GCFC2: variants seen among roughly 807,000 people sequenced by gnomAD.
GCFC2 encodes GC-rich sequence DNA-binding factor 2, also known as intron Large complex component GCFC2.
In GCFC2, 102 loss-of-function variants were observed where a neutral mutation model predicts 99.4. The observed-to-expected ratio is 1.03, with a 90% CI of 0.87 to 1.21. The LOEUF is 1.21. GCFC2 is among the 50% of genes most tolerant of loss of function. The pLI is 0.00. For synonymous variants in GCFC2, 338 were observed against 316.8 expected (o/e 1.07, Z -0.71); for missense variants, 973 against 920.9 (o/e 1.06, Z -0.73).
At chr2:75,690,443 T>C (rs1208305452) in intron 8 of GCFC2, 195 bp downstream of exon 8, 1 of 546,394 alleles carries the variant, frequency 1.8e-6, no homozygotes, top group Non-Finnish European at 3.2e-6. Flanking sequence ...CCATTCCTTT[T>C]AACTGATCCA....
chr2:75,710,979 G>T (rs1170082818), upstream of GCFC2: 13 of 1,366,712 alleles, frequency 9.5e-6, no homozygotes, highest in Non-Finnish European at 1.2e-5. Flanking sequence ...CGTCCCGCCT[G>T]CCTTCTGCTC....
intron 15 of GCFC2, among the ~76,000 whole-genome samples, chr2:75,668,376 C>A (rs1303352203): frequency 6.7e-6 from 1 of 150,046 alleles, no homozygotes; most frequent in Non-Finnish European, 1.5e-5. Context: ...AAACAAAAAA[C>A]CAAATTGTAA....
intron 3 of GCFC2, 82 bp downstream of exon 3, chr2:75,702,117 A>G: frequency 6.5e-7 from 1 of 1,529,032 alleles, no homozygotes; most frequent in Non-Finnish European, 8.8e-7. Context: ...GTGAGCCAGC[A>G]TATTACATTT....
At position 75,664,623 on chromosome 2, in the gene GCFC2, G is replaced by A; in HGVS notation, c.*43C>T. On this transcript the variant is annotated 3_prime_UTR_variant, in exon 17 of 17. Coordinates refer to ENST00000321027, the MANE Select transcript of GCFC2 (RefSeq NM_003203.5). ...GCTTCTTCTCAAACAAAGGAACTGA[G>A]TGTAACTATATTAAAATTTTAGCAT... 1.2e-6 allele frequency: 1 copy of A among 844,750 alleles called. No individual in the cohort carries two copies. The highest frequency in any genetic ancestry group is 2.0e-6 in the Non-Finnish European group (1 of 500,934). 52.3% of individuals were successfully genotyped at this position (844,750 alleles called of 1,614,324 possible).
intron 11 of GCFC2, among the ~76,000 whole-genome samples, chr2:75,683,771 CAAAAAAAAAAAAAAAA>C (rs749580096): frequency 1.7e-5 from 1 of 60,424 alleles, no homozygotes; most frequent in African/African-American, 6.5e-5. Context: ...AAATGGAAAG[CAAAAAAAAAAAAAAAA>C]AAAAAGAAAA....
At chr2:75,704,151 T>C (rs1478563817) in intron 2 of GCFC2, among the ~76,000 whole-genome samples, 1 of 152,226 alleles carries the variant, frequency 6.6e-6, no homozygotes, top group Non-Finnish European at 1.5e-5. Context: ...TATTGTTCAA[T>C]AATAAATACA....
At chr2:75,685,034 G>A (rs559137543) in intron 11 of GCFC2, among the ~76,000 whole-genome samples, 125 of 152,214 alleles carry the variant, frequency 8.2e-4, no homozygotes, top group Non-Finnish European at 9.3e-4. Context: ...GACAGGGAGC[G>A]GAACATCACA....
At chr2:75,702,164 A>C in intron 3 of GCFC2, 35 bp downstream of exon 3, 1 of 1,583,848 alleles carries the variant, frequency 6.3e-7, no homozygotes. Flanking sequence ...TCTAATAAAA[A>C]ATATCCTAAT....
chr2:75,679,435 T>TA (rs904780168), intron 12 of GCFC2, among the ~76,000 whole-genome samples: 68 of 150,888 alleles, frequency 4.5e-4, no homozygotes, highest in African/African-American at 1.1e-3. Flanking sequence ...CAACAAACAA[T>TA]AAAAAAAAAT....
At chr2:75,709,184 T>C (rs1306660021) in intron 1 of GCFC2, among the ~76,000 whole-genome samples, 1 of 152,184 alleles carries the variant, frequency 6.6e-6, no homozygotes, top group African/African-American at 2.4e-5. Context: ...TATTGATAGG[T>C]ATAACCTACT....
chr2:75,670,424 ATC>A, intron 14 of GCFC2, 140 bp from the exon 15 acceptor site: 1 of 542,644 alleles, frequency 1.8e-6, no homozygotes, highest in Non-Finnish European at 3.3e-6. Context: ...AGAATACAAT[ATC>A]TCTGAATAAA....
At chr2:75,675,365 A>AT (rs1679286635) in intron 12 of GCFC2, among the ~76,000 whole-genome samples, 1 of 148,184 alleles carries the variant, frequency 6.7e-6, no homozygotes, top group African/African-American at 2.6e-5. Context: ...AATCTTGGTA[A>AT]AGGGAATATG....
At chr2:75,677,536 A>C (rs1209235610) in intron 12 of GCFC2, among the ~76,000 whole-genome samples, 1 of 152,240 alleles carries the variant, frequency 6.6e-6, no homozygotes, top group Non-Finnish European at 1.5e-5. Context: ...TGCTAAGCAT[A>C]CTATAGTGCA....
chr2:75,676,921 T>C (rs1679368340), intron 12 of GCFC2, among the ~76,000 whole-genome samples: 1 of 152,234 alleles, frequency 6.6e-6, no homozygotes, highest in Non-Finnish European at 1.5e-5. Context: ...CATTAGTATG[T>C]ATTTTAACTC....
At position 75,662,954 on chromosome 2, in the gene GCFC2, T is replaced by C. The variant is rs548501175; in HGVS notation, c.*1712A>G. ...TATGTACACATAGAAACACGTAACA[T>C]TTTTGTAAATAGAGAAAAGGTCTAA... On this transcript the variant is annotated 3_prime_UTR_variant, in exon 17 of 17. Coordinates refer to ENST00000321027, the MANE Select transcript of GCFC2 (RefSeq NM_003203.5). 3.4e-5 allele frequency: 5 copies of C among 149,110 alleles called. No individual in the cohort carries two copies. In the East Asian group the frequency reaches 7.8e-4, roughly 23 times the overall value. 9.2% of individuals were successfully genotyped at this position (149,110 alleles called of 1,614,324 possible).
upstream of GCFC2, among the ~76,000 whole-genome samples, chr2:75,712,398 G>C (rs747820216): frequency 1.7e-4 from 26 of 152,306 alleles, no homozygotes; most frequent in Admixed American, 7.8e-4. Flanking sequence ...TGGAAACTCT[G>C]TATCTAACTA....
chr2:75,674,272 A>G (rs980095913), intron 12 of GCFC2, among the ~76,000 whole-genome samples: 1 of 152,160 alleles, frequency 6.6e-6, no homozygotes, highest in Non-Finnish European at 1.5e-5. Flanking sequence ...CCTTTGTTGG[A>G]AAATCCACTT....
intron 1 of GCFC2, 150 bp downstream of exon 1, chr2:75,710,438 CACT>C: frequency 7.3e-7 from 1 of 1,368,052 alleles, no homozygotes; most frequent in Non-Finnish European, 9.4e-7. Flanking sequence ...TTTTCTCGCT[CACT>C]ACCTTCTGGA....
At chr2:75,688,786 C>A (rs1490109621) in intron 10 of GCFC2, among the ~76,000 whole-genome samples, 1 of 144,988 alleles carries the variant, frequency 6.9e-6, no homozygotes, top group African/African-American at 2.4e-5. Flanking sequence ...ATTTAATGTA[C>A]AAGAAGCTAA....
Sources: allele counts gnomAD v4.1 joint callset (sites outside exome capture counted in the v4.1 genomes callset), GRCh38; gene constraint gnomAD v4.1.1; transcripts MANE v1.5; gene names NCBI Gene and HGNC (gene_info 2026-07-23, HGNC 2026-07-21).